GABRA2: variants seen among roughly 807,000 people sequenced by gnomAD.
GABRA2 encodes gamma-aminobutyric acid receptor subunit alpha-2.
In GABRA2, 16 loss-of-function variants were observed where a neutral mutation model predicts 48.7. That is an observed-to-expected ratio of 0.33 (90% CI 0.22 to 0.50). The LOEUF is 0.50. GABRA2 is among the 20% of genes least tolerant of loss of function. GABRA2 has a pLI of 0.98. For missense variants in GABRA2, 275 were observed against 535.6 expected (o/e 0.51, Z 4.80); for synonymous variants, 185 against 184.5 (o/e 1.00, Z -0.02).
At chr4:46,340,633 T>G (rs2109851901) in intron 3 of GABRA2, among the ~76,000 whole-genome samples, 1 of 152,156 alleles carries the variant, frequency 6.6e-6, no homozygotes, top group East Asian at 1.9e-4. Context: ...TTAAAGCAAC[T>G]TGGCATTCCT....
chr4:46,267,241 C>T (rs1015547846), intron 8 of GABRA2, among the ~76,000 whole-genome samples: 1 of 151,634 alleles, frequency 6.6e-6, no homozygotes, highest in Non-Finnish European at 1.5e-5. Flanking sequence ...GCTGGTAAGC[C>T]CCTCTAGTGA....
At chr4:46,378,881 A>G (rs570534936) in intron 3 of GABRA2, among the ~76,000 whole-genome samples, 34 of 151,992 alleles carry the variant, frequency 2.2e-4, no homozygotes, top group Admixed American at 5.9e-4. Flanking sequence ...TACTGACATC[A>G]CCTTGAATTT....
At chr4:46,298,532 A>G (rs1725160040) in intron 8 of GABRA2, among the ~76,000 whole-genome samples, 1 of 151,902 alleles carries the variant, frequency 6.6e-6, no homozygotes, top group African/African-American at 2.4e-5. Context: ...TAATTTGGAG[A>G]GATTGTCCAT....
chr4:46,266,339 A>G (rs1718220109), intron 8 of GABRA2, among the ~76,000 whole-genome samples: 1 of 148,126 alleles, frequency 6.8e-6, no homozygotes, highest in South Asian at 2.1e-4. Flanking sequence ...AAATAAATTT[A>G]TAAATTTAAA....
chr4:46,318,141 T>C (rs987731828), intron 4 of GABRA2, among the ~76,000 whole-genome samples: 1 of 151,328 alleles, frequency 6.6e-6, no homozygotes, highest in African/African-American at 2.4e-5. Context: ...AGAAAAATAT[T>C]AAAAAATATT....
intron 3 of GABRA2, among the ~76,000 whole-genome samples, chr4:46,347,963 A>G (rs1244752255): frequency 1.3e-5 from 2 of 152,094 alleles, no homozygotes; most frequent in African/African-American, 2.4e-5. Context: ...ATAGTAAAAG[A>G]AACTACCATC....
At chr4:46,304,799 G>T (rs140624662) in intron 7 of GABRA2, among the ~76,000 whole-genome samples, 1 of 151,184 alleles carries the variant, frequency 6.6e-6, no homozygotes, top group Admixed American at 6.6e-5. Context: ...GTGGTGGTGC[G>T]CCTATAGTCC....
rs1055819182 is a variant in GABRA2, at chr4:46,274,549, G to T, written c.857-12421C>A. 2.6e-5 allele frequency among the ~76,000 whole-genome samples: 4 copies of T among 152,022 alleles called. No individual in the cohort carries two copies. In the East Asian group the frequency reaches 5.8e-4, roughly 22 times the overall value. ...AAAGGCAGGCAAGAGTTTGAATTCTGCTTGTGCCACAGCAATGATGTGACT... is the reference window on the plus strand; with the variant it reads ...AAAGGCAGGCAAGAGTTTGAATTCTTCTTGTGCCACAGCAATGATGTGACT... On this transcript the variant is annotated intron_variant, in intron 8 of 9. Coordinates refer to ENST00000381620, the MANE Select transcript of GABRA2 (RefSeq NM_000807.4).
At chr4:46,280,988 C>A (rs1312823331) in intron 8 of GABRA2, among the ~76,000 whole-genome samples, 3 of 152,186 alleles carry the variant, frequency 2.0e-5, no homozygotes, top group Admixed American at 1.3e-4. Flanking sequence ...TGATCATCGA[C>A]TTCCAGTCTC....
Position 46,386,139 on chromosome 4 carries a change from A to C in GABRA2, c.122T>G (p.Ile41Ser). 6.2e-7 allele frequency: 1 copy of C among 1,612,022 alleles called. No homozygotes were observed. Among genetic ancestry groups the C allele is most frequent in the Non-Finnish European group, 8.5e-7 (1 of 1,179,266 alleles). The change falls in exon 3 of 10, where the codon ATC becomes AGC. Residue 41 changes from isoleucine to serine, a missense_variant. Transcript: ENST00000381620. ...AAGTCTGTCAAGAATTCTCGTAAAG[A>C]TGGTAATGTTATTTTTAGCCTCATC... ...QEDEAKNNIT[I>S]FTRILDRLLD...
chr4:46,389,375 C>T (rs201297055), intron 1 of GABRA2: 16 of 985,346 alleles, frequency 1.6e-5, no homozygotes, highest in Non-Finnish European at 1.9e-5. Context: ...CGAAACGACG[C>T]GTTTGACAGC....
chr4:46,256,511 G>A (rs895150497), intron 9 of GABRA2: 11 of 409,398 alleles, frequency 2.7e-5, no homozygotes, highest in Non-Finnish European at 3.9e-5. Flanking sequence ...TTCAGTGTAA[G>A]GAAAAGTTTT....
At chr4:46,254,826 G>T (rs1715486936) in intron 9 of GABRA2, among the ~76,000 whole-genome samples, 1 of 151,494 alleles carries the variant, frequency 6.6e-6, no homozygotes, top group African/African-American at 2.4e-5. Flanking sequence ...ATGTCCAGAA[G>T]TGCACTCAGC....
chr4:46,344,860 T>G (rs531730898), intron 3 of GABRA2, among the ~76,000 whole-genome samples: 1 of 151,978 alleles, frequency 6.6e-6, no homozygotes, highest in Non-Finnish European at 1.5e-5. Context: ...TATGTATACA[T>G]TCTTATTATA....
At chr4:46,308,870 G>GA (rs3836613) in intron 6 of GABRA2, among the ~76,000 whole-genome samples, 2,527 of 147,870 alleles carry the variant, frequency 0.017, 56 homozygotes, top group African/African-American at 0.056. Context: ...CTTGTCAACT[G>GA]AAAAAAAAAA....
intron 4 of GABRA2, among the ~76,000 whole-genome samples, chr4:46,322,569 TG>T (rs1232250736): frequency 1.3e-5 from 2 of 152,032 alleles, no homozygotes; most frequent in African/African-American, 4.8e-5. Flanking sequence ...TAACCTCTGT[TG>T]ATCAGTCTTC....
At chr4:46,272,433 A>G (rs1719519543) in intron 8 of GABRA2, among the ~76,000 whole-genome samples, 1 of 152,040 alleles carries the variant, frequency 6.6e-6, no homozygotes, top group Non-Finnish European at 1.5e-5. Flanking sequence ...ACTTTCTTTT[A>G]TGAAGCAAGC....
At chr4:46,383,807 G>A (rs1717080428) in intron 3 of GABRA2, among the ~76,000 whole-genome samples, 1 of 152,122 alleles carries the variant, frequency 6.6e-6, no homozygotes, top group African/African-American at 2.4e-5. Context: ...CCAGTCAGAG[G>A]AGATCATATG....
intron 3 of GABRA2, among the ~76,000 whole-genome samples, chr4:46,341,072 C>T (rs925837256): frequency 8.6e-5 from 13 of 151,908 alleles, no homozygotes; most frequent in Admixed American, 2.0e-4. Context: ...CTATGAGATC[C>T]TTTAAAAAAT....
Sources: allele counts gnomAD v4.1 joint callset (sites outside exome capture counted in the v4.1 genomes callset), GRCh38; gene constraint gnomAD v4.1.1; transcripts MANE v1.5; gene names NCBI Gene and HGNC (gene_info 2026-07-23, HGNC 2026-07-21).